Variants in NUDT13 observed in about 807,000 individuals in gnomAD.
NUDT13 encodes NAD(P)H pyrophosphatase NUDT13, mitochondrial.
A neutral mutation model predicts 41.7 loss-of-function variants in NUDT13; 40 were observed. That is an observed-to-expected ratio of 0.96 (90% confidence interval 0.75 to 1.25). NUDT13 has a LOEUF of 1.25. NUDT13 is among the 50% of genes most tolerant of loss of function. The pLI, the probability that NUDT13 is intolerant of heterozygous loss-of-function variation, is 0.00. For missense variants in NUDT13, 390 were observed against 416.1 expected, an observed-to-expected ratio of 0.94 and a Z score of 0.55; for synonymous variants, 145 against 155.5, an observed-to-expected ratio of 0.93 and a Z score of 0.50.
intron 8 of NUDT13, among the ~76,000 whole-genome samples, chr10:73,129,319 C>A (rs901300265): frequency 6.6e-6 from 1 of 151,840 alleles, no homozygotes; most frequent in East Asian, 1.9e-4. Flanking sequence ...ATTACAGGTG[C>A]CTGCCAGCAT....
rs1010149348 is a variant in NUDT13 at position 73,131,688 on chromosome 10, T to A, written c.*785T>A. 6.6e-6 allele frequency: 1 copy of A among 152,202 alleles called. No individual in the cohort carries two copies. The highest frequency in any genetic ancestry group is 2.4e-5 in the African/African-American group (1 of 41,448). 9.4% of individuals were successfully genotyped at this position (152,202 alleles called of 1,614,324 possible). A position where few individuals can be genotyped will look rare whatever the true frequency, so the allele number is the denominator to read the frequency against. On this transcript the variant is annotated 3_prime_UTR_variant, in exon 9 of 9. Coordinates refer to ENST00000357321, the MANE Select transcript of NUDT13 (RefSeq NM_015901.6). ...ACGTGTTGATTAACAAAGGGATTGGTGGAGATAAACAGATGCCAAACCTGA... is the reference window on the plus strand; with the variant it reads ...ACGTGTTGATTAACAAAGGGATTGGAGGAGATAAACAGATGCCAAACCTGA...
chr10:73,126,951 A>G (rs1215967128), intron 8 of NUDT13, 124 bp downstream of exon 8: 3 of 890,636 alleles, frequency 3.4e-6, no homozygotes, highest in Non-Finnish European at 3.5e-6. Flanking sequence ...CATGTGTAAA[A>G]TATGATTTAG....
intron 3 of NUDT13, among the ~76,000 whole-genome samples, chr10:73,121,562 A>T (rs745606261): frequency 6.6e-6 from 1 of 152,206 alleles, no homozygotes; most frequent in Non-Finnish European, 1.5e-5. Context: ...GGCATCTCAG[A>T]TGAGTATTTT....
chr10:73,120,488 A>C (rs1380304184), intron 3 of NUDT13, among the ~76,000 whole-genome samples: 1 of 152,226 alleles, frequency 6.6e-6, no homozygotes, highest in Non-Finnish European at 1.5e-5. Flanking sequence ...CATATTGTCT[A>C]TGGCTACTTT....
intron 8 of NUDT13, among the ~76,000 whole-genome samples, chr10:73,128,135 ATTC>A (rs1334426636): frequency 2.0e-5 from 3 of 152,070 alleles, no homozygotes; most frequent in Admixed American, 2.0e-4. Flanking sequence ...GCTGAATAAT[ATTC>A]TATTATAGTA....
At chr10:73,124,498 GC>G (rs1164888529) in intron 5 of NUDT13, 178 bp downstream of exon 5, 1 of 549,512 alleles carries the variant, frequency 1.8e-6, no homozygotes, top group East Asian at 2.9e-5. Context: ...TCCTTCTTCT[GC>G]CCTTGTTTTT....
At chr10:73,129,033 T>C (rs1026988687) in intron 8 of NUDT13, among the ~76,000 whole-genome samples, 3 of 152,114 alleles carry the variant, frequency 2.0e-5, no homozygotes, top group Admixed American at 6.6e-5. Flanking sequence ...GTCTTACATA[T>C]AGTAGGCGCA....
At position 73,120,100 on chromosome 10, in the gene NUDT13, GCTCCT is replaced by G; in HGVS notation, c.169_173del (p.Pro57AlafsTer24). The stretch of plus-strand genomic sequence containing the variant: ...AGCGTTTTACCTCTTTCATAGTCTG[GCTCCT>G]CTGCTTCAGACTTCAGCACATCAAT... On this transcript the variant is annotated frameshift_variant, in exon 3 of 9. Coordinates refer to ENST00000357321, the MANE Select transcript of NUDT13 (RefSeq NM_015901.6). LOFTEE classifies it high-confidence loss of function. 1 of 1,614,140 alleles carries G rather than the reference GCTCCT, an allele frequency of 6.2e-7. No individual in the cohort carries two copies. The highest frequency in any genetic ancestry group is 8.5e-7 in the Non-Finnish European group (1 of 1,180,022).
chr10:73,126,131 C>T (rs1291220392), intron 7 of NUDT13: 6 of 273,972 alleles, frequency 2.2e-5, no homozygotes, highest in Middle Eastern at 9.0e-4. Flanking sequence ...CCTCTCATCA[C>T]ATTGACCCCA....
chr10:73,121,768 A>G (rs1179942999), intron 3 of NUDT13, among the ~76,000 whole-genome samples: 1 of 152,162 alleles, frequency 6.6e-6, no homozygotes, highest in East Asian at 1.9e-4. Context: ...TGTGTTGCCC[A>G]GGCTGGTCCC....
rs1394172959 is a variant in NUDT13, at chr10:73,131,079, C to T, written c.*176C>T. 1.9e-6 allele frequency: 1 copy of T among 516,286 alleles called. No individual in the cohort carries two copies. Among genetic ancestry groups the T allele is most frequent in the Non-Finnish European group, 3.5e-6 (1 of 285,564 alleles). The allele number at this position is 516,286 out of a possible 1,614,324, so 32.0% of individuals were successfully genotyped here. ...CAGTGTTAATGGAAGAAATTCCTAC[C>T]AATGGGCAATCAAAAAAGCCAGTGT... is the stretch of plus-strand genomic sequence containing the variant. On this transcript the variant is annotated 3_prime_UTR_variant, in exon 9 of 9. Transcript: ENST00000357321.
intron 8 of NUDT13, among the ~76,000 whole-genome samples, chr10:73,129,943 C>T (rs543532421): frequency 5.0e-4 from 76 of 150,852 alleles, no homozygotes; most frequent in African/African-American, 1.9e-3. Flanking sequence ...CACACCATTG[C>T]CCTCTAGCCT....
intron 5 of NUDT13, 94 bp from the exon 6 acceptor site, chr10:73,125,024 T>C: frequency 7.1e-7 from 1 of 1,415,832 alleles, no homozygotes; most frequent in Non-Finnish European, 9.4e-7. Flanking sequence ...ATTGGCATTT[T>C]TCTGTGAGTT....
intron 8 of NUDT13, among the ~76,000 whole-genome samples, chr10:73,129,257 T>C (rs1477820932): frequency 2.0e-5 from 3 of 149,324 alleles, no homozygotes; most frequent in Admixed American, 2.0e-4. Flanking sequence ...ACTGCAACCT[T>C]CGCCTCCCAG....
In NUDT13 at chr10:73,130,765, A is replaced by G. The variant is rs1842900447; in HGVS notation, c.921A>G (p.Thr307=). ...AAWFSHDEVA[T]ALKRKGPYTQ... Reference sequence around the variant, plus strand: ...GGTTCAGTCATGATGAGGTAGCCACAGCCCTGAAGAGAAAGGGCCCCTATA... The same window carrying G: ...GGTTCAGTCATGATGAGGTAGCCACGGCCCTGAAGAGAAAGGGCCCCTATA... Residue 307 remains threonine, a synonymous_variant, in exon 9 of 9, where the codon ACA becomes ACG. Coordinates refer to ENST00000357321, the MANE Select transcript of NUDT13 (RefSeq NM_015901.6). 1 of 1,613,966 alleles carries G rather than the reference A, an allele frequency of 6.2e-7. No individual in the cohort carries two copies.
Position 73,124,259 on chromosome 10 carries a change from T to C in NUDT13, c.404T>C (p.Phe135Ser), listed in dbSNP as rs760365139. The C allele has an allele frequency of 5.6e-6, 9 of 1,613,314 alleles. No individual in the cohort carries two copies. In the African/African-American group the frequency reaches 1.2e-4, roughly 22 times the overall value. Residue 135 changes from phenylalanine to serine, a missense_variant, in exon 5 of 9, where the codon TTC becomes TCC. Coordinates refer to ENST00000357321, the MANE Select transcript of NUDT13 (RefSeq NM_015901.6). The part of the protein sequence containing the change: ...PEMETELKGS[F>S]IELRKALFQL... ...ATGGAGACAGAGCTCAAGGGGTCTT[T>C]CATTGAGCTGAGAAAGGCACTCTTT...
intron 5 of NUDT13, 131 bp from the exon 6 acceptor site, chr10:73,124,987 C>A: frequency 2.0e-6 from 2 of 990,688 alleles, no homozygotes; most frequent in South Asian, 2.4e-5. Context: ...AAACAGTAAC[C>A]ATTTAAATTA....
intron 2 of NUDT13, among the ~76,000 whole-genome samples, chr10:73,116,836 GA>G (rs1433366949): frequency 6.7e-6 from 1 of 149,320 alleles, no homozygotes; most frequent in Non-Finnish European, 1.5e-5. Flanking sequence ...GATATTGTTG[GA>G]CATTTAGATT....
intron 4 of NUDT13, among the ~76,000 whole-genome samples, chr10:73,123,195 C>T (rs552113662): frequency 5.2e-4 from 79 of 152,264 alleles, no homozygotes; most frequent in Middle Eastern, 6.8e-3. Context: ...CCACCAAGCC[C>T]GGTCACATTT....
Sources: allele counts gnomAD v4.1 joint callset (sites outside exome capture counted in the v4.1 genomes callset), GRCh38; gene constraint gnomAD v4.1.1; transcripts MANE v1.5; gene names NCBI Gene and HGNC (gene_info 2026-07-23, HGNC 2026-07-21).